FAF1: variants seen among roughly 807,000 people sequenced by gnomAD.
FAF1 encodes Fas associated factor 1, also known as FAS-associated factor 1.
A neutral mutation model predicts 92.5 loss-of-function variants in FAF1; 25 were observed. The ratio of observed to expected loss-of-function variants is 0.27; its 90% CI spans 0.20 to 0.38. FAF1 has a LOEUF of 0.38. Ranked by LOEUF, FAF1 falls within the 10% of genes least tolerant of loss-of-function variation. The pLI is 1.00. For missense variants in FAF1, 636 were observed against 793.3 expected (o/e 0.80, Z 2.38); for synonymous variants, 234 against 273.2 (o/e 0.86, Z 1.42).
chr1:50,475,439 TCCTGAGATAGGTATGGGA>T lies in FAF1; in HGVS notation c.1869+7_1869+24del. ...GGCACATCTCCCACCTGGATATACT[TCCTGAGATAGGTATGGGA>T]ACTTACGTCTCTCCTAGGAAAGGTG... On this transcript the variant is annotated splice_region_variant and intron_variant, in intron 18 of 18. Coordinates refer to ENST00000396153, the MANE Select transcript of FAF1 (RefSeq NM_007051.3). 6.4e-7 allele frequency: 1 copy of T among 1,566,662 alleles called. No individual in the cohort carries two copies. Among genetic ancestry groups the T allele is most frequent in the Non-Finnish European group, 8.8e-7 (1 of 1,140,226 alleles).
At chr1:50,895,865 G>A (rs1644753950) in intron 1 of FAF1, among the ~76,000 whole-genome samples, 1 of 151,586 alleles carries the variant, frequency 6.6e-6, no homozygotes, top group African/African-American at 2.4e-5. Context: ...TAAAAAAAAA[G>A]CCTCAACACA....
chr1:50,629,575 A>C (rs1456257287), intron 8 of FAF1, among the ~76,000 whole-genome samples: 1 of 152,238 alleles, frequency 6.6e-6, no homozygotes, highest in Admixed American at 6.5e-5. Context: ...AGGTTCACAG[A>C]GAAATAATTT....
chr1:50,875,822 C>A (rs1391459570), intron 1 of FAF1, among the ~76,000 whole-genome samples: 2 of 152,134 alleles, frequency 1.3e-5, no homozygotes, highest in African/African-American at 4.8e-5. Flanking sequence ...ACCCCCCTAA[C>A]TGAAATTTTG....
chr1:50,695,446 A>G (rs566933367), intron 7 of FAF1, among the ~76,000 whole-genome samples: 1 of 152,160 alleles, frequency 6.6e-6, no homozygotes, highest in African/African-American at 2.4e-5. Context: ...AAGGAGGCTT[A>G]TTTCCAGCAG....
chr1:50,575,375 A>G (rs1650677948), intron 12 of FAF1, among the ~76,000 whole-genome samples: 1 of 152,212 alleles, frequency 6.6e-6, no homozygotes, highest in East Asian at 1.9e-4. Flanking sequence ...AGAAATATCT[A>G]ATTACAGAAC....
chr1:50,751,150 TAAA>T (rs201412517), intron 4 of FAF1, among the ~76,000 whole-genome samples: 1,936 of 141,228 alleles, frequency 0.014, 42 homozygotes, highest in African/African-American at 0.046. Flanking sequence ...CATTTCATGT[TAAA>T]AAAAAAAAAG....
chr1:50,846,580 C>T, intron 2 of FAF1: 5 of 530,362 alleles, frequency 9.4e-6, no homozygotes, highest in South Asian at 5.8e-5. Flanking sequence ...TAGTGAGGAA[C>T]TTGGAAAACC....
At chr1:50,647,650 T>C (rs1654655580) in intron 8 of FAF1, among the ~76,000 whole-genome samples, 1 of 152,226 alleles carries the variant, frequency 6.6e-6, no homozygotes, top group South Asian at 2.1e-4. Context: ...AGGCATTCTT[T>C]CTAGTACATA....
intron 6 of FAF1, among the ~76,000 whole-genome samples, chr1:50,707,718 G>T (rs973067060): frequency 5.3e-5 from 8 of 149,632 alleles, no homozygotes; most frequent in Non-Finnish European, 1.2e-4. Flanking sequence ...AAAAAGAAAA[G>T]AAAAAAGAAA....
rs1228931287 is a variant in FAF1 at position 50,960,000 on chromosome 1, G to A, written c.-189C>T. On this transcript the variant is annotated 5_prime_UTR_variant, in exon 1 of 19. Coordinates refer to ENST00000396153, the MANE Select transcript of FAF1 (RefSeq NM_007051.3). ...GGAAGCGCTAGGCGCTCATGCACTCGGTAACCTTCAGGCGCCCCGGCCGCC... is the reference window on the plus strand; with the variant it reads ...GGAAGCGCTAGGCGCTCATGCACTCAGTAACCTTCAGGCGCCCCGGCCGCC... The A allele has an allele frequency of 2.5e-6, 1 of 394,682 alleles. No homozygotes were observed. The highest frequency in any genetic ancestry group is 4.4e-6 in the Non-Finnish European group (1 of 224,730). The allele number at this position is 394,682 out of a possible 1,614,324, so 24.4% of individuals were successfully genotyped here.
intron 6 of FAF1, among the ~76,000 whole-genome samples, chr1:50,708,241 G>A (rs971051032): frequency 6.6e-6 from 1 of 152,172 alleles, no homozygotes; most frequent in African/African-American, 2.4e-5. Flanking sequence ...GGCTGGTTCA[G>A]GAAAGAAGTG....
intron 6 of FAF1, among the ~76,000 whole-genome samples, chr1:50,723,441 C>T (rs1658498279): frequency 6.6e-6 from 1 of 151,798 alleles, no homozygotes; most frequent in South Asian, 2.1e-4. Context: ...TATTTGAAAG[C>T]GTCCTCAGCA....
chr1:50,861,620 T>C (rs1404690128), intron 1 of FAF1, among the ~76,000 whole-genome samples: 1 of 151,784 alleles, frequency 6.6e-6, no homozygotes, highest in African/African-American at 2.4e-5. Context: ...ATTCAGGTGA[T>C]AGGTACACTA....
chr1:50,457,865 CAAAAAAAAAA>C (rs78520067), intron 18 of FAF1, among the ~76,000 whole-genome samples: 1 of 59,452 alleles, frequency 1.7e-5, no homozygotes, highest in Non-Finnish European at 3.5e-5. Context: ...ACCCTGTCTC[CAAAAAAAAAA>C]AAAAAAAAAG....
chr1:50,843,460 T>C (rs900150602), intron 2 of FAF1, among the ~76,000 whole-genome samples: 4 of 152,140 alleles, frequency 2.6e-5, no homozygotes, highest in African/African-American at 9.7e-5. Flanking sequence ...AGTCAGTCTA[T>C]TGTGCTACAG....
intron 1 of FAF1, among the ~76,000 whole-genome samples, chr1:50,907,939 A>C (rs992229882): frequency 1.3e-5 from 2 of 151,672 alleles, no homozygotes; most frequent in Non-Finnish European, 2.9e-5. Context: ...GCTCTTGCTT[A>C]TCTAGTTCTT....
At chr1:50,524,006 C>G (rs1370352297) in intron 15 of FAF1, among the ~76,000 whole-genome samples, 1 of 152,198 alleles carries the variant, frequency 6.6e-6, no homozygotes, top group Non-Finnish European at 1.5e-5. Flanking sequence ...TACACTCCCA[C>G]TAACAGTGTG....
intron 1 of FAF1, among the ~76,000 whole-genome samples, chr1:50,920,372 C>T (rs1024550850): frequency 6.6e-6 from 1 of 151,878 alleles, no homozygotes; most frequent in Non-Finnish European, 1.5e-5. Flanking sequence ...GGCATTACTG[C>T]TCCCAAAAAG....
chr1:50,557,474 G>T (rs1372292836), intron 13 of FAF1, among the ~76,000 whole-genome samples: 1 of 152,152 alleles, frequency 6.6e-6, no homozygotes, highest in East Asian at 1.9e-4. Context: ...ATCAGAAACA[G>T]GATTCCACCT....
Sources: allele counts gnomAD v4.1 joint callset (sites outside exome capture counted in the v4.1 genomes callset), GRCh38; gene constraint gnomAD v4.1.1; transcripts MANE v1.5; gene names NCBI Gene and HGNC (gene_info 2026-07-23, HGNC 2026-07-21).